The following TTC7B variants were observed in gnomAD, a reference collection of about 807,000 sequenced individuals.
The protein encoded by TTC7B is tetratricopeptide repeat domain 7B, also known as tetratricopeptide repeat protein 7B.
Under a neutral mutation model 106.8 loss-of-function variants are expected in TTC7B, and 28 were observed. The observed-to-expected ratio is 0.26, with a 90% CI of 0.19 to 0.36. The LOEUF (loss-of-function observed/expected upper bound fraction) is 0.36. Ranked by LOEUF, TTC7B falls within the 10% of genes least tolerant of loss-of-function variation. The pLI is 1.00. For synonymous variants in TTC7B, 405 were observed against 430.6 expected (o/e 0.94, Z 0.74); for missense variants, 862 against 1,076.4 (o/e 0.80, Z 2.79).
intron 17 of TTC7B, among the ~76,000 whole-genome samples, chr14:90,607,744 A>G (rs747250026): frequency 6.6e-6 from 1 of 152,238 alleles, no homozygotes; most frequent in Non-Finnish European, 1.5e-5. Context: ...GTAAACAAGA[A>G]TAAGGCAATT....
chr14:90,686,193 T>C (rs553364688), intron 7 of TTC7B, among the ~76,000 whole-genome samples: 85 of 152,318 alleles, frequency 5.6e-4, no homozygotes, highest in Admixed American at 2.7e-3. Context: ...AATCAATTAA[T>C]GTATACACCA....
intron 7 of TTC7B, among the ~76,000 whole-genome samples, chr14:90,681,710 A>G (rs1464039642): frequency 6.6e-6 from 1 of 152,170 alleles, no homozygotes; most frequent in African/African-American, 2.4e-5. Context: ...CTGGCCTGAG[A>G]ATGAGGAGCA....
At chr14:90,713,509 T>A (rs1289063330) in intron 5 of TTC7B, among the ~76,000 whole-genome samples, 1 of 152,172 alleles carries the variant, frequency 6.6e-6, no homozygotes, top group Non-Finnish European at 1.5e-5. Context: ...CTACTGATAC[T>A]ACTACAAACT....
intron 4 of TTC7B, among the ~76,000 whole-genome samples, chr14:90,738,538 C>T (rs1159238817): frequency 6.6e-6 from 1 of 151,578 alleles, no homozygotes; most frequent in Non-Finnish European, 1.5e-5. Flanking sequence ...ACCCGGGAGG[C>T]GGAGGTTGCA....
rs897958208 is a variant in TTC7B, at chr14:90,541,129, C to T, written c.*239G>A. On this transcript the variant is annotated 3_prime_UTR_variant, in exon 20 of 20. Transcript: ENST00000328459. ...CAACTAACAAAATATGGCACATGATCCATTTTGAACAATGTCAATAGGTTC... is the reference window on the plus strand; with the variant it reads ...CAACTAACAAAATATGGCACATGATTCATTTTGAACAATGTCAATAGGTTC... The T allele has an allele frequency of 7.1e-6, 3 of 419,612 alleles. No individual in the cohort carries two copies. Among genetic ancestry groups the T allele is most frequent in the Non-Finnish European group, 1.3e-5 (3 of 237,262 alleles). 26.0% of individuals were successfully genotyped at this position (419,612 alleles called of 1,614,324 possible).
At position 90,809,314 on chromosome 14, in the gene TTC7B, C is replaced by T. The variant is rs563350999; in HGVS notation, c.121+6861G>A. The stretch of plus-strand genomic sequence containing the variant: ...CCTCCACTGAGCAAATGTTCCCTGA[C>T]GTCTCATTGGTCAGAACTAATTCAC... On this transcript the variant is annotated intron_variant, in intron 1 of 19. Transcript: ENST00000328459. Among the ~76,000 whole-genome samples the T allele has an allele frequency of 3.3e-4, 50 of 152,372 alleles. No homozygotes were observed. The South Asian group carries it at 3.7e-3, about 11-fold the overall frequency.
chr14:90,576,634 C>A (rs1891271259), intron 19 of TTC7B, among the ~76,000 whole-genome samples: 1 of 152,134 alleles, frequency 6.6e-6, no homozygotes, highest in African/African-American at 2.4e-5. Context: ...CAACAAGGTG[C>A]CTAAAGGTTA....
At chr14:90,611,013 G>T (rs1022467007) in intron 16 of TTC7B, among the ~76,000 whole-genome samples, 174 bp from the exon 17 acceptor site, 1 of 152,088 alleles carries the variant, frequency 6.6e-6, no homozygotes, top group Admixed American at 6.5e-5. Context: ...CCTGGGCTGC[G>T]ATTCCTTTCA....
In TTC7B at chr14:90,780,856, C is replaced by G. The variant is rs372909829; in HGVS notation, c.327G>C (p.Val109=). 2 of 1,614,126 alleles carry G rather than the reference C, an allele frequency of 1.2e-6. No individual in the cohort carries two copies. The highest frequency in any genetic ancestry group is 2.7e-5 in the African/African-American group (2 of 74,946). ...TCAGAGCTTCTTTATAATCACCTTC[C>G]ACATAATTCAACTTGGCCATGATCA... ...SNLIMAKLNY[V]EGDYKEALNI... Residue 109 remains valine (V), a synonymous_variant, in exon 3 of 20, where the codon GTG becomes GTC. Coordinates refer to ENST00000328459, the MANE Select transcript of TTC7B (RefSeq NM_001010854.2).
At chr14:90,639,549 T>C (rs190722940) in intron 15 of TTC7B, among the ~76,000 whole-genome samples, 129 of 152,306 alleles carry the variant, frequency 8.5e-4, no homozygotes, top group Admixed American at 2.0e-3. Context: ...CAAGTATTGG[T>C]GTATGGAACC....
Position 90,525,069 on chromosome 14 carries a change from A to G in TTC7B, c.*16299T>C, listed in dbSNP as rs1889115247. On this transcript the variant is annotated 3_prime_UTR_variant, in exon 20 of 20. Coordinates refer to ENST00000328459, the MANE Select transcript of TTC7B (RefSeq NM_001010854.2). ...CCATCACCCTCAAAATGTCTTTATC[A>G]TCTTTGAAACCCCTCCCTCTGGCCC... 6.6e-6 allele frequency: 1 copy of G among 152,068 alleles called. No homozygotes were observed. The highest frequency in any genetic ancestry group is 1.5e-5 in the Non-Finnish European group (1 of 68,010). 9.4% of individuals were successfully genotyped at this position (152,068 alleles called of 1,614,324 possible).
chr14:90,744,632 C>T (rs1159851947), intron 4 of TTC7B, among the ~76,000 whole-genome samples, 160 bp downstream of exon 4: 2 of 152,158 alleles, frequency 1.3e-5, no homozygotes, highest in South Asian at 2.1e-4. Flanking sequence ...TCATAAGCTA[C>T]AGCAATCACT....
chr14:90,797,504 G>T (rs922702813), intron 1 of TTC7B, among the ~76,000 whole-genome samples: 1 of 151,290 alleles, frequency 6.6e-6, no homozygotes, highest in Non-Finnish European at 1.5e-5. Context: ...CCAGCTCCTC[G>T]TTTACTGGGC....
At chr14:90,593,655 C>G (rs1892070320) in intron 17 of TTC7B, 29 bp from the exon 18 acceptor site, 1 of 1,554,128 alleles carries the variant, frequency 6.4e-7, no homozygotes, top group South Asian at 1.2e-5. Context: ...AAGACTCTAT[C>G]AGGAGCGAAA....
chr14:90,812,067 C>G (rs1020022238), intron 1 of TTC7B, among the ~76,000 whole-genome samples: 2 of 152,158 alleles, frequency 1.3e-5, no homozygotes, highest in African/African-American at 4.8e-5. Context: ...TGCAGGGAAC[C>G]AACCCCATTA....
chr14:90,686,773 G>A (rs994219654), intron 7 of TTC7B, among the ~76,000 whole-genome samples: 17 of 152,254 alleles, frequency 1.1e-4, no homozygotes, highest in African/African-American at 3.9e-4. Flanking sequence ...ACATGTGCAC[G>A]CACGTGTGCA....
At chr14:90,572,634 G>A (rs1891079400) in intron 19 of TTC7B, among the ~76,000 whole-genome samples, 1 of 152,186 alleles carries the variant, frequency 6.6e-6, no homozygotes. Context: ...AAGACAGCCT[G>A]TGTATGAAAC....
At chr14:90,640,141 T>A (rs1399598083) in intron 15 of TTC7B, among the ~76,000 whole-genome samples, 1 of 152,128 alleles carries the variant, frequency 6.6e-6, no homozygotes, top group Non-Finnish European at 1.5e-5. Flanking sequence ...GAGCTGGGTA[T>A]GGTGGCACAC....
intron 7 of TTC7B, among the ~76,000 whole-genome samples, chr14:90,687,063 G>C (rs991089129): frequency 6.6e-6 from 1 of 151,298 alleles, no homozygotes; most frequent in African/African-American, 2.4e-5. Context: ...GAGACAGGAA[G>C]GTGACAGCTA....
Sources: gnomAD v4.1 joint callset for allele counts (sites outside exome capture counted in the v4.1 genomes callset) on GRCh38, gnomAD v4.1.1 for gene constraint, MANE v1.5 for transcripts, NCBI Gene and HGNC (gene_info 2026-07-23, HGNC 2026-07-21) for gene names.